The following SYNPR variants were observed in gnomAD, a reference collection of about 807,000 sequenced individuals.
SYNPR encodes synaptoporin.
A neutral mutation model predicts 32.9 loss-of-function variants in SYNPR; 23 were observed. That is an observed-to-expected ratio of 0.70 (90% CI 0.50 to 0.99). SYNPR has a LOEUF of 0.99. SYNPR is among the 50% of genes least tolerant of loss of function. SYNPR has a pLI of 0.00. For synonymous variants in SYNPR, 146 were observed against 135.9 expected (o/e 1.07, Z -0.52); for missense variants, 318 against 349.3 (o/e 0.91, Z 0.71).
chr3:63,419,909 G>T (rs2088585628), intron 2 of SYNPR, among the ~76,000 whole-genome samples: 1 of 152,184 alleles, frequency 6.6e-6, no homozygotes. Flanking sequence ...AGTCTATTTG[G>T]TGAAGATTCC....
At chr3:63,436,109 A>C (rs947767737) in intron 2 of SYNPR, among the ~76,000 whole-genome samples, 1 of 152,066 alleles carries the variant, frequency 6.6e-6, no homozygotes, top group Non-Finnish European at 1.5e-5. Context: ...TTGCCCTTTT[A>C]CTTTAGAAGA....
At chr3:63,353,580 C>T (rs987722402) in intron 2 of SYNPR, among the ~76,000 whole-genome samples, 9 of 152,176 alleles carry the variant, frequency 5.9e-5, no homozygotes, top group Non-Finnish European at 7.4e-5. Flanking sequence ...ACAGATCAGT[C>T]GGATGATTCA....
intron 2 of SYNPR, among the ~76,000 whole-genome samples, chr3:63,404,102 A>G (rs1401012366): frequency 2.0e-5 from 3 of 152,206 alleles, no homozygotes; most frequent in African/African-American, 7.2e-5. Flanking sequence ...TGTTTTTAAG[A>G]GAAGGCAACA....
intron 2 of SYNPR, among the ~76,000 whole-genome samples, chr3:63,328,224 A>T (rs2087188044): frequency 6.6e-6 from 1 of 152,168 alleles, no homozygotes; most frequent in Non-Finnish European, 1.5e-5. Flanking sequence ...TGTGATATTC[A>T]CAAAATGAGA....
intron 2 of SYNPR, among the ~76,000 whole-genome samples, chr3:63,430,299 T>C (rs1019509874): frequency 6.6e-6 from 1 of 152,148 alleles, no homozygotes; most frequent in African/African-American, 2.4e-5. Flanking sequence ...TTACATTTTA[T>C]TTTAGGGTAT....
the SYNPR span, among the ~76,000 whole-genome samples, chr3:63,205,552 G>A: frequency 6.6e-6 from 1 of 152,168 alleles, no homozygotes; most frequent in Non-Finnish European, 1.5e-5. Flanking sequence ...TGTTAAAGTT[G>A]GCTCTCGCCA....
At chr3:63,432,048 G>A (rs1048508984) in intron 2 of SYNPR, among the ~76,000 whole-genome samples, 1 of 152,110 alleles carries the variant, frequency 6.6e-6, no homozygotes, top group African/African-American at 2.4e-5. Context: ...GCTTGCAGGA[G>A]CCAATAAGAG....
At chr3:63,354,395 G>T (rs900483112) in intron 2 of SYNPR, among the ~76,000 whole-genome samples, 1 of 152,132 alleles carries the variant, frequency 6.6e-6, no homozygotes, top group Non-Finnish European at 1.5e-5. Context: ...GGCTGTGTGG[G>T]CAAAGCCTTT....
intron 2 of SYNPR, among the ~76,000 whole-genome samples, chr3:63,262,794 A>T (rs1253599982): frequency 1.3e-5 from 2 of 152,160 alleles, no homozygotes; most frequent in Admixed American, 1.3e-4. Flanking sequence ...ACTACAAATG[A>T]TATGGATTGC....
chr3:63,243,539 A>T (rs1296517808), intron 1 of SYNPR, among the ~76,000 whole-genome samples: 1 of 152,144 alleles, frequency 6.6e-6, no homozygotes, highest in Admixed American at 6.6e-5. Flanking sequence ...GGAATAGTGT[A>T]TTGAAAGTGG....
At chr3:63,555,465 A>T (rs1702580102) in intron 3 of SYNPR, among the ~76,000 whole-genome samples, 1 of 152,036 alleles carries the variant, frequency 6.6e-6, no homozygotes, top group Non-Finnish European at 1.5e-5. Context: ...ATTAAATTAT[A>T]GTTCACGACT....
chr3:63,571,763 C>T (rs1045299344), intron 4 of SYNPR, among the ~76,000 whole-genome samples: 2 of 152,046 alleles, frequency 1.3e-5, no homozygotes, highest in Non-Finnish European at 1.5e-5. Flanking sequence ...TCCTAAGGTG[C>T]TTAGTGTTAA....
rs972796319 is a variant in SYNPR, at chr3:63,585,453, C to CA, written c.409-23672_409-23671insA. 8.3e-5 allele frequency among the ~76,000 whole-genome samples: 9 copies of CA among 108,340 alleles called. No homozygotes were observed. In the East Asian group the frequency reaches 1.1e-3, roughly 13 times the overall value. 71.1% of individuals were successfully genotyped at this position (108,340 alleles called of 152,430 possible). A position where few individuals can be genotyped will look rare whatever the true frequency, so the allele number is the denominator to read the frequency against. ...TGTTTCCTTCTGTATATCCATGCCC[C>CA]CCCCCTCCGCCCCGCACCCACCACA... is the stretch of plus-strand genomic sequence containing the variant. On this transcript the variant is annotated intron_variant, in intron 4 of 5. Transcript: ENST00000478300.
chr3:63,325,184 T>C lies in SYNPR; in HGVS notation c.84+46442T>C, dbSNP rs1407681710. 2.6e-5 allele frequency among the ~76,000 whole-genome samples: 4 copies of C among 152,202 alleles called. No individual in the cohort carries two copies. The East Asian group carries it at 7.8e-4, about 30-fold the overall frequency. On this transcript the variant is annotated intron_variant, in intron 2 of 5. Transcript: ENST00000478300. ...TAGTATGGCAGAACAGCCACTGTAA[T>C]TACAACTTAATTCTTAGGTGACAAG...
intron 3 of SYNPR, among the ~76,000 whole-genome samples, chr3:63,517,540 T>G (rs1701823770): frequency 1.3e-5 from 2 of 152,140 alleles, no homozygotes; most frequent in Admixed American, 6.6e-5. Flanking sequence ...AATCCAGAAT[T>G]ACTTCATAAG....
At chr3:63,292,499 T>C (rs1408510775) in intron 2 of SYNPR, among the ~76,000 whole-genome samples, 1 of 152,218 alleles carries the variant, frequency 6.6e-6, no homozygotes, top group East Asian at 1.9e-4. Context: ...AATACTTGGA[T>C]TTGACTGTCA....
intron 3 of SYNPR, among the ~76,000 whole-genome samples, chr3:63,515,193 G>A (rs974708555): frequency 6.6e-6 from 1 of 151,602 alleles, no homozygotes; most frequent in Non-Finnish European, 1.5e-5. Context: ...TTTGCTTTCA[G>A]CCTTCAAAAC....
chr3:63,538,857 T>G (rs1470158330), intron 3 of SYNPR, among the ~76,000 whole-genome samples: 1 of 152,180 alleles, frequency 6.6e-6, no homozygotes, highest in African/African-American at 2.4e-5. Context: ...TGATATAATC[T>G]TCAATATGAA....
intron 4 of SYNPR, among the ~76,000 whole-genome samples, chr3:63,566,529 A>G (rs1702791564): frequency 6.6e-6 from 1 of 152,144 alleles, no homozygotes. Context: ...CATGAAGTCA[A>G]ATAAAACCTA....
Sources: allele counts gnomAD v4.1 joint callset (sites outside exome capture counted in the v4.1 genomes callset), GRCh38; gene constraint gnomAD v4.1.1; transcripts MANE v1.5; gene names NCBI Gene and HGNC (gene_info 2026-07-23, HGNC 2026-07-21).